Variants in STK11 observed in about 807,000 individuals in gnomAD.
STK11 encodes the protein serine/threonine-protein kinase STK11.
Under a neutral mutation model 47.3 loss-of-function variants are expected in STK11, and 8 were observed. The observed-to-expected ratio is 0.17, with a 90% CI of 0.10 to 0.31. The LOEUF is 0.31. Ranked by LOEUF, STK11 falls within the 10% of genes least tolerant of loss-of-function variation. The pLI is 1.00. For missense variants in STK11, 475 were observed against 605.0 expected (o/e 0.79, Z 2.25); for synonymous variants, 330 against 255.8 (o/e 1.29, Z -2.77).
intron 2 of STK11, 35 bp downstream of exon 2, chr19:1,218,535 G>C (rs755283004): frequency 6.3e-7 from 1 of 1,589,018 alleles, no homozygotes; most frequent in Admixed American, 1.7e-5. Context: ...CGGGGCCTCC[G>C]TGGGAGGGGC....
intron 9 of STK11, chr19:1,227,068 G>A (rs2080829276): frequency 4.9e-6 from 1 of 202,130 alleles, no homozygotes; most frequent in Non-Finnish European, 1.0e-5. Context: ...GGGAGGGGCC[G>A]CGGCCTCCAT....
At chr19:1,212,649 TCCG>T (rs2080719189) in intron 1 of STK11, among the ~76,000 whole-genome samples, 1 of 152,204 alleles carries the variant, frequency 6.6e-6, no homozygotes, top group African/African-American at 2.4e-5. Flanking sequence ...CACTGCAAGC[TCCG>T]CTTCAGCCTC....
intron 5 of STK11, 29 bp downstream of exon 5, chr19:1,220,746 C>A: frequency 1.3e-6 from 2 of 1,592,980 alleles, no homozygotes; most frequent in Non-Finnish European, 1.7e-6. Context: ...CGGGCACTCA[C>A]CACACGCACA....
chr19:1,223,257 A>G, intron 8 of STK11, 85 bp downstream of exon 8: 2 of 1,474,796 alleles, frequency 1.4e-6, no homozygotes, highest in African/African-American at 1.4e-5. Flanking sequence ...GTCTGCAACA[A>G]GGACAGCTTC....
intron 1 of STK11, 29 bp from the exon 2 acceptor site, chr19:1,218,388 C>T (rs2145420371): frequency 6.3e-7 from 1 of 1,595,164 alleles, no homozygotes; most frequent in Non-Finnish European, 8.6e-7. Flanking sequence ...GTTGGGTCGG[C>T]TGATACACCC....
chr19:1,213,689 C>T (rs1360917011), intron 1 of STK11, among the ~76,000 whole-genome samples: 1 of 152,232 alleles, frequency 6.6e-6, no homozygotes, highest in African/African-American at 2.4e-5. Context: ...GACACTTGGG[C>T]TGCTCCCGCC....
chr19:1,218,865 C>A (rs1169991176), intron 2 of STK11, among the ~76,000 whole-genome samples: 1 of 152,226 alleles, frequency 6.6e-6, no homozygotes, highest in Admixed American at 6.5e-5. Flanking sequence ...TCTGTGGACA[C>A]CCCCATGGGT....
At chr19:1,211,549 G>A (rs950276790) in intron 1 of STK11, among the ~76,000 whole-genome samples, 5 of 152,188 alleles carry the variant, frequency 3.3e-5, no homozygotes, top group Admixed American at 6.5e-5. Context: ...GAGTCTGCCC[G>A]CCTTGTGGAG....
At chr19:1,212,872 CA>C (rs2080720822) in intron 1 of STK11, among the ~76,000 whole-genome samples, 1 of 151,434 alleles carries the variant, frequency 6.6e-6, no homozygotes, top group Non-Finnish European at 1.5e-5. Flanking sequence ...TTTATAGAGA[CA>C]AGGGCTTGCT....
chr19:1,207,869 C>T (rs1323989741), intron 1 of STK11, among the ~76,000 whole-genome samples: 3 of 152,154 alleles, frequency 2.0e-5, no homozygotes, highest in South Asian at 2.1e-4. Flanking sequence ...CAACTGACTT[C>T]TTCAGGCACG....
intron 8 of STK11, chr19:1,225,790 C>T: frequency 1.0e-6 from 1 of 985,568 alleles, no homozygotes; most frequent in Non-Finnish European, 1.2e-6. Flanking sequence ...CCTCGCCAAC[C>T]ACCACGGCTC....
chr19:1,212,689 T>C (rs2080719489), intron 1 of STK11, among the ~76,000 whole-genome samples: 1 of 152,014 alleles, frequency 6.6e-6, no homozygotes, highest in Non-Finnish European at 1.5e-5. Context: ...TACAGGTGCC[T>C]GCCACCAAGC....
In STK11 at chr19:1,223,006, T is replaced by C. The variant is rs1256260277; in HGVS notation, c.942T>C (p.Pro314=). 6.4e-7 allele frequency: 1 copy of C among 1,568,252 alleles called. No homozygotes were observed. The highest frequency in any genetic ancestry group is 1.9e-5 in the Admixed American group (1 of 54,018). Residue 314 remains proline (P), a synonymous_variant, in exon 8 of 10, where the codon CCT becomes CCC. Coordinates refer to ENST00000326873, the MANE Select transcript of STK11 (RefSeq NM_000455.5). ...RQHSWFRKKH[P]PAEAPVPIPP... ...GCAGCTGGTTCCGGAAGAAACATCC[T>C]CCGGCTGAAGCACCAGTGCCCATCC...
chr19:1,207,695 A>G (rs1221076798), intron 1 of STK11, among the ~76,000 whole-genome samples: 1 of 152,204 alleles, frequency 6.6e-6, no homozygotes, highest in African/African-American at 2.4e-5. Flanking sequence ...GCTGCCAAAA[A>G]TAACTGTTTG....
At chr19:1,219,562 T>TC in intron 3 of STK11, 149 bp downstream of exon 3, 1 of 832,566 alleles carries the variant, frequency 1.2e-6, no homozygotes, top group East Asian at 2.7e-5. Context: ...GTGTTTTTTT[T>TC]CGAGATGGAG....
At chr19:1,208,135 C>T (rs1454622829) in intron 1 of STK11, among the ~76,000 whole-genome samples, 1 of 152,044 alleles carries the variant, frequency 6.6e-6, no homozygotes, top group Non-Finnish European at 1.5e-5. Context: ...TGGGCTAGGC[C>T]TCGAGGGACT....
At chr19:1,222,115 C>G in intron 7 of STK11, 109 bp downstream of exon 7, 1 of 1,330,548 alleles carries the variant, frequency 7.5e-7, no homozygotes, top group Non-Finnish European at 1.0e-6. Flanking sequence ...CCAGGCTGGG[C>G]TGGGGCCAGA....
intron 1 of STK11, among the ~76,000 whole-genome samples, chr19:1,209,869 G>A (rs555154856): frequency 7.9e-5 from 12 of 152,266 alleles, no homozygotes; most frequent in African/African-American, 1.9e-4. Flanking sequence ...GAACACGGAG[G>A]CAGGGAGGCA....
At chr19:1,218,361 C>T (rs2145420262) in intron 1 of STK11, 56 bp from the exon 2 acceptor site, 1 of 1,449,916 alleles carries the variant, frequency 6.9e-7, no homozygotes, top group Non-Finnish European at 9.7e-7. Flanking sequence ...TCCAGGGATC[C>T]AGGCCATCAT....
Sources: gnomAD v4.1 joint callset for allele counts (sites outside exome capture counted in the v4.1 genomes callset) on GRCh38, gnomAD v4.1.1 for gene constraint, MANE v1.5 for transcripts, NCBI Gene and HGNC (gene_info 2026-07-23, HGNC 2026-07-21) for gene names.